PTPN23: variants seen among roughly 807,000 people sequenced by gnomAD.
PTPN23 encodes the protein protein tyrosine phosphatase non-receptor type 23.
A neutral mutation model predicts 156.3 loss-of-function variants in PTPN23; 72 were observed. The observed-to-expected ratio is 0.46, with a 90% CI of 0.38 to 0.56. The LOEUF (loss-of-function observed/expected upper bound fraction) is 0.56, where lower values mean the gene tolerates loss of function less well. Among genes scored for constraint, PTPN23 ranks in the 20% least tolerant of loss-of-function variants. PTPN23 has a pLI of 0.00. For synonymous variants in PTPN23, 957 were observed against 899.6 expected, an observed-to-expected ratio of 1.06 and a Z score of -1.14; for missense variants, 1,974 against 2,171.5, an observed-to-expected ratio of 0.91 and a Z score of 1.81.
chr3:47,406,834 G>T lies in PTPN23; in HGVS notation c.807+84G>T. ...GTGCTCCCGCTCCTTACACACCAGG[G>T]GGTGGCCTTCTCTGTCTCACCCTGG... On this transcript the variant is annotated intron_variant, in intron 9 of 24. Coordinates refer to ENST00000265562, the MANE Select transcript of PTPN23 (RefSeq NM_015466.4). The surrounding 1 kb of genome is among the most constrained non-coding windows in gnomAD (Gnocchi z 5.8). The T allele has an allele frequency of 1.3e-6, 2 of 1,549,774 alleles. No homozygotes were observed. Among genetic ancestry groups the T allele is most frequent in the Non-Finnish European group, 1.8e-6 (2 of 1,136,424 alleles).
chr3:47,408,309 C>T, intron 14 of PTPN23, 36 bp from the exon 15 acceptor site: 1 of 1,602,158 alleles, frequency 6.2e-7, no homozygotes, highest in Non-Finnish European at 8.5e-7. Flanking sequence ...GTTGGATCAG[C>T]ACCCAGCACC....
intron 1 of PTPN23, among the ~76,000 whole-genome samples, chr3:47,386,195 C>T (rs1000632131): frequency 7.9e-5 from 12 of 151,756 alleles, no homozygotes; most frequent in African/African-American, 2.2e-4. Flanking sequence ...GACAGAGTCT[C>T]GCTCTGTCAC....
At chr3:47,396,434 G>T in intron 2 of PTPN23, 1 of 358,232 alleles carries the variant, frequency 2.8e-6, no homozygotes, top group South Asian at 2.7e-5. Context: ...AATTAGGCAG[G>T]TGTGGTGTCA....
intron 2 of PTPN23, among the ~76,000 whole-genome samples, chr3:47,401,114 G>A (rs1040457810): frequency 1.3e-4 from 20 of 151,294 alleles, no homozygotes; most frequent in African/African-American, 3.9e-4. Flanking sequence ...TGTTAGCCAG[G>A]GTGGTCTTGA....
Position 47,411,945 on chromosome 3 carries a change from C to G in PTPN23, c.4051C>G (p.His1351Asp). The change falls in exon 21 of 25, where the codon CAC becomes GAC. Residue 1351 changes from histidine (H) to aspartate (D), a missense_variant. Around this residue, in one of 4 missense-constraint regions of PTPN23, gnomAD observed 484 missense variants for 516.0 expected, o/e 0.94. Coordinates refer to ENST00000265562, the MANE Select transcript of PTPN23 (RefSeq NM_015466.4). The surrounding 1 kb of genome is among the most constrained non-coding windows in gnomAD (Gnocchi z 6.3). Reference protein sequence around the residue: ...QSLKRSLVHLHFPTWPELGLP... With the variant: ...QSLKRSLVHLDFPTWPELGLP... Reference sequence around the variant, plus strand: ...CCTCAAGCGCTCTCTTGTGCACCTGCACTTCCCCACTTGGCCTGAGTTGTG... The same window carrying G: ...CCTCAAGCGCTCTCTTGTGCACCTGGACTTCCCCACTTGGCCTGAGTTGTG... 1 of 1,612,012 alleles carries G rather than the reference C, an allele frequency of 6.2e-7. No homozygotes were observed. Among genetic ancestry groups the G allele is most frequent in the Non-Finnish European group, 8.5e-7 (1 of 1,179,172 alleles).
rs750116086 is a variant in PTPN23, at chr3:47,407,692, C to T, written c.1004-5C>T. On this transcript the variant is annotated splice_region_variant and splice_polypyrimidine_tract_variant and intron_variant, in intron 12 of 24. Coordinates refer to ENST00000265562, the MANE Select transcript of PTPN23 (RefSeq NM_015466.4). This position sits in a 1 kb window ranked among gnomAD's most constrained non-coding sequence, Gnocchi z 4.0. ...GCCTGATCTCCACAATTCCCACCCC[C>T]CCAGGAGCCCCCTTGGTGAAGCCCT... 9.9e-6 allele frequency: 16 copies of T among 1,612,696 alleles called. No individual in the cohort carries two copies. Among genetic ancestry groups the T allele is most frequent in the Admixed American group, 1.7e-5 (1 of 59,978 alleles).
At chr3:47,403,681 C>T (rs938174588) in intron 2 of PTPN23, among the ~76,000 whole-genome samples, 2 of 152,052 alleles carry the variant, frequency 1.3e-5, no homozygotes, top group African/African-American at 4.8e-5. Flanking sequence ...GGCACCATCA[C>T]GCCTAGATAA....
At chr3:47,400,927 G>A (rs1704980950) in intron 2 of PTPN23, among the ~76,000 whole-genome samples, 1 of 149,636 alleles carries the variant, frequency 6.7e-6, no homozygotes, top group Admixed American at 6.7e-5. Flanking sequence ...TTTTGAGATG[G>A]AGTCTCACTC....
chr3:47,393,431 G>A (rs1704815630), intron 1 of PTPN23, among the ~76,000 whole-genome samples: 1 of 152,194 alleles, frequency 6.6e-6, no homozygotes, highest in Non-Finnish European at 1.5e-5. Flanking sequence ...GGGATTACAG[G>A]CATAAGCCAC....
Position 47,410,336 on chromosome 3 carries a change from T to C in PTPN23, c.2538T>C (p.Ser846=). The C allele has an allele frequency of 6.2e-7, 1 of 1,607,612 alleles. No homozygotes were observed. The highest frequency in any genetic ancestry group is 8.5e-7 in the Non-Finnish European group (1 of 1,177,152). The stretch of plus-strand genomic sequence containing the variant: ...CCCCACAGCATGGCGTGGTGAGCAG[T>C]CCCTATGTGGGGGTAGGGCCGGCCC... The part of the protein sequence containing the change: ...RSSPQHGVVS[S]PYVGVGPAPP... Residue 846 remains serine (S), a synonymous_variant, in exon 20 of 25, where the codon AGT becomes AGC. Transcript: ENST00000265562.
chr3:47,391,837 A>T (rs1437184625), intron 1 of PTPN23, among the ~76,000 whole-genome samples: 1 of 152,184 alleles, frequency 6.6e-6, no homozygotes, highest in Non-Finnish European at 1.5e-5. Context: ...ACATTCTCTC[A>T]TATAGTCAAG....
chr3:47,411,228 A>C lies in PTPN23; in HGVS notation c.3430A>C (p.Thr1144Pro). 1 of 1,606,946 alleles carries C rather than the reference A, an allele frequency of 6.2e-7. No individual in the cohort carries two copies. The highest frequency in any genetic ancestry group is 8.5e-7 in the Non-Finnish European group (1 of 1,179,238). The part of the protein sequence containing the change: ...PGGGQPLLQP[T>P]KVDAAEGRRP... ...GGGTGGGCAGCCCCTGCTGCAGCCC[A>C]CCAAGGTGGATGCAGCTGAGGGTCG... Residue 1144 changes from threonine to proline, a missense_variant, in exon 20 of 25, where the codon ACC (threonine) becomes CCC (proline). Physicochemically the swap from Thr to Pro is conservative, Grantham distance 38 (BLOSUM62 -1). Coordinates refer to ENST00000265562, the MANE Select transcript of PTPN23 (RefSeq NM_015466.4). The surrounding 1 kb of genome is among the most constrained non-coding windows in gnomAD (Gnocchi z 6.3).
In PTPN23 at chr3:47,405,722, C is replaced by T. The variant is rs1322661864; in HGVS notation, c.365-27C>T. On this transcript the variant is annotated intron_variant, in intron 4 of 24. Transcript: ENST00000265562. The surrounding 1 kb of genome is among the most constrained non-coding windows in gnomAD (Gnocchi z 4.7). ...CACATGGGTGTGAGCAGCCCCAGGCCCCTAACACTGTCCCCTCCCTCCCCA... is the reference window on the plus strand; with the variant it reads ...CACATGGGTGTGAGCAGCCCCAGGCTCCTAACACTGTCCCCTCCCTCCCCA... 6.3e-7 allele frequency: 1 copy of T among 1,594,114 alleles called. No homozygotes were observed. Among genetic ancestry groups the T allele is most frequent in the Admixed American group, 1.8e-5 (1 of 56,950 alleles).
In PTPN23 at chr3:47,405,908, C is replaced by T. The variant is rs750657991; in HGVS notation, c.415-7C>T. The T allele has an allele frequency of 1.2e-6, 2 of 1,613,234 alleles. No homozygotes were observed. The highest frequency in any genetic ancestry group is 1.7e-6 in the Non-Finnish European group (2 of 1,179,618). ...TGGACACAGGCCATCCTCCCACTCCCTCCCAGGGCATGAAGGTCTCCTGTA... is the reference window on the plus strand; with the variant it reads ...TGGACACAGGCCATCCTCCCACTCCTTCCCAGGGCATGAAGGTCTCCTGTA... On this transcript the variant is annotated splice_region_variant and splice_polypyrimidine_tract_variant and intron_variant, in intron 5 of 24. Transcript: ENST00000265562. This position sits in a 1 kb window ranked among gnomAD's most constrained non-coding sequence, Gnocchi z 4.7.
intron 1 of PTPN23, among the ~76,000 whole-genome samples, chr3:47,388,595 T>C (rs1704702178): frequency 6.6e-6 from 1 of 152,032 alleles, no homozygotes; most frequent in South Asian, 2.1e-4. Context: ...AATCCAATTA[T>C]ACTTTTATTT....
rs759497502 is a variant in PTPN23, at chr3:47,407,320, C to T, written c.876C>T (p.Asp292=). ...EAIKLAKGQP[D]TVQDALRFTM... is the part of the protein sequence containing the mutation. The stretch of plus-strand genomic sequence containing the variant: ...CCCTAACCCCACAGGGCCAGCCTGA[C>T]ACTGTGCAAGACGCGCTTCGCTTCA... The change falls in exon 11 of 25, where the codon GAC becomes GAT. Residue 292 remains aspartate, a synonymous_variant. Transcript: ENST00000265562. The surrounding 1 kb of genome is among the most constrained non-coding windows in gnomAD (Gnocchi z 4.0). The T allele has an allele frequency of 1.7e-5, 27 of 1,613,884 alleles. No individual in the cohort carries two copies. Among genetic ancestry groups the T allele is most frequent in the Non-Finnish European group, 2.2e-5 (26 of 1,179,960 alleles).
chr3:47,412,945 G>C lies in PTPN23; in HGVS notation c.4671G>C (p.Gln1557His). 7.2e-7 allele frequency: 1 copy of C among 1,383,044 alleles called. No homozygotes were observed. The highest frequency in any genetic ancestry group is 9.6e-7 in the Non-Finnish European group (1 of 1,043,472). The allele number at this position is 1,383,044 out of a possible 1,614,324, so 85.7% of individuals were successfully genotyped here. Residue 1557 changes from glutamine (Q) to histidine (H), a missense_variant, in exon 25 of 25, where the codon CAG becomes CAC. Gln to His is a conservative substitution (Grantham distance 24, BLOSUM62 0). This residue lies in a region of PTPN23 where 484 missense variants were observed against 516.0 expected (regional missense o/e 0.94). Coordinates refer to ENST00000265562, the MANE Select transcript of PTPN23 (RefSeq NM_015466.4). ...CCTCCCCACTACCTGAGGCTCCCCA[G>C]CCTAAGGAGGAGCCGCCAGTGCCTG... Reference protein sequence around the residue: ...PLSSPLPEAPQPKEEPPVPEA... With the variant: ...PLSSPLPEAPHPKEEPPVPEA...
chr3:47,409,442 A>G lies in PTPN23; in HGVS notation c.1823A>G (p.Lys608Arg), dbSNP rs1212590796. The change falls in exon 18 of 25, where the codon AAG becomes AGG. Residue 608 changes from lysine (K) to arginine (R), a missense_variant. Physicochemically the swap from Lys to Arg is conservative, Grantham distance 26. Transcript: ENST00000265562. ...MKKLFEEQLK[K>R]YDQLKVYLEQ... ...AAGTTGTTCGAGGAGCAGCTGAAAA[A>G]GTATGACCAGCTGAAGGTGTACCTG... 6.2e-7 allele frequency: 1 copy of G among 1,614,164 alleles called. No homozygotes were observed. The highest frequency in any genetic ancestry group is 1.7e-5 in the Admixed American group (1 of 60,016).
chr3:47,408,083 T>TC lies in PTPN23; in HGVS notation c.1184+131dup, dbSNP rs972305141. Reference sequence around the variant, plus strand: ...CCAAACAGGTTTCCCAATGCTGCCTTCCCGCCTGGGGTGGTGGGGCTAGTG... The same window carrying TC: ...CCAAACAGGTTTCCCAATGCTGCCTTCCCCGCCTGGGGTGGTGGGGCTAGTG... On this transcript the variant is annotated intron_variant, in intron 14 of 24. Coordinates refer to ENST00000265562, the MANE Select transcript of PTPN23 (RefSeq NM_015466.4). The TC allele has an allele frequency of 1.6e-5, 20 of 1,220,602 alleles. No individual in the cohort carries two copies. The African/African-American group carries it at 2.7e-4, about 17-fold the overall frequency. The allele number at this position is 1,220,602 out of a possible 1,614,324, so 75.6% of individuals were successfully genotyped here.
Sources: allele counts gnomAD v4.1 joint callset (sites outside exome capture counted in the v4.1 genomes callset), GRCh38; gene constraint gnomAD v4.1.1; regional missense constraint gnomAD v4.1.1; non-coding constraint Gnocchi (gnomAD v3.1); transcripts MANE v1.5; gene names NCBI Gene and HGNC (gene_info 2026-07-23, HGNC 2026-07-21).